The following KIAA1549L variants were observed in gnomAD, a reference collection of about 807,000 sequenced individuals.
The protein encoded by KIAA1549L is UPF0606 protein KIAA1549L.
Under a neutral mutation model 160.7 loss-of-function variants are expected in KIAA1549L, and 88 were observed. The ratio of observed to expected loss-of-function variants is 0.55; its 90% CI spans 0.46 to 0.65. The LOEUF (loss-of-function observed/expected upper bound fraction) is 0.65. KIAA1549L is among the 30% of genes least tolerant of loss of function. KIAA1549L has a pLI of 0.00. For missense variants in KIAA1549L, 2,258 were observed against 2,437.5 expected (o/e 0.93, Z 1.55); for synonymous variants, 950 against 976.7 (o/e 0.97, Z 0.51).
intron 1 of KIAA1549L, among the ~76,000 whole-genome samples, chr11:33,529,000 A>AT (rs928781304): frequency 6.6e-6 from 1 of 152,120 alleles, no homozygotes; most frequent in Admixed American, 6.5e-5. Flanking sequence ...AACCAAAACT[A>AT]TTTTTTTAAA....
At chr11:33,592,500 A>C (rs1394887349) in intron 12 of KIAA1549L, among the ~76,000 whole-genome samples, 3 of 152,176 alleles carry the variant, frequency 2.0e-5, no homozygotes, top group Non-Finnish European at 4.4e-5. Context: ...ACTACTATGG[A>C]GACTGAAAAA....
At chr11:33,461,543 TTGTCCCCAGGCATTTCATTC>T (rs879835371) in intron 1 of KIAA1549L, among the ~76,000 whole-genome samples, 5 of 152,208 alleles carry the variant, frequency 3.3e-5, no homozygotes, top group Non-Finnish European at 5.9e-5. Context: ...TCACTGTCAT[TTGTCCCCAGGCATTTCATTC>T]TTCTTCATGC....
At chr11:33,482,399 A>G (rs1302421255) in intron 1 of KIAA1549L, among the ~76,000 whole-genome samples, 1 of 151,980 alleles carries the variant, frequency 6.6e-6, no homozygotes, top group Non-Finnish European at 1.5e-5. Context: ...TTTTCCCCCC[A>G]GTGACTATAA....
intron 13 of KIAA1549L, among the ~76,000 whole-genome samples, chr11:33,599,829 T>C (rs1850307659): frequency 6.6e-6 from 1 of 152,196 alleles, no homozygotes; most frequent in Admixed American, 6.5e-5. Flanking sequence ...AAAGTCCTTT[T>C]GGATTTTAAT....
At chr11:33,627,960 C>T (rs1417322213) in intron 16 of KIAA1549L, among the ~76,000 whole-genome samples, 1 of 151,670 alleles carries the variant, frequency 6.6e-6, no homozygotes, top group Non-Finnish European at 1.5e-5. Context: ...GCTTTGAATG[C>T]ATCCCAGAGA....
chr11:33,490,331 T>TC (rs1258820911), intron 1 of KIAA1549L, among the ~76,000 whole-genome samples: 1 of 151,496 alleles, frequency 6.6e-6, no homozygotes, highest in Non-Finnish European at 1.5e-5. Flanking sequence ...CCTCTTTTTT[T>TC]TTTTTTTTTT....
chr11:33,634,991 G>A (rs1851400300), intron 16 of KIAA1549L, among the ~76,000 whole-genome samples: 1 of 152,082 alleles, frequency 6.6e-6, no homozygotes, highest in South Asian at 2.1e-4. Flanking sequence ...AAGTGACCAA[G>A]CCATTATTTT....
At chr11:33,478,205 C>T (rs943863348) in intron 1 of KIAA1549L, among the ~76,000 whole-genome samples, 1 of 152,214 alleles carries the variant, frequency 6.6e-6, no homozygotes, top group Non-Finnish European at 1.5e-5. Context: ...GACATGGTAT[C>T]GATTGCACCA....
Position 33,551,224 on chromosome 11 carries a change from A to G in KIAA1549L, c.3686A>G (p.Asn1229Ser). Residue 1229 changes from asparagine (N) to serine (S), a missense_variant, in exon 5 of 21, where the codon AAT (asparagine) becomes AGT (serine). Asn to Ser is a conservative substitution (Grantham distance 46). Around this residue, in one of 6 missense-constraint regions of KIAA1549L, gnomAD observed 1,359 missense variants for 1,546.6 expected, o/e 0.88. Transcript: ENST00000658780. ...GTGGCAGTACTTGCCTCCCCATGGA[A>G]TCCCCAGCCTGCAGGCTACTTCCAG... is the stretch of plus-strand genomic sequence containing the variant. ...QSVAVLASPWNPQPAGYFQLK... is the reference protein window; with the variant it reads ...QSVAVLASPWSPQPAGYFQLK... 1 of 1,613,626 alleles carries G rather than the reference A, an allele frequency of 6.2e-7. No homozygotes were observed. The highest frequency in any genetic ancestry group is 8.5e-7 in the Non-Finnish European group (1 of 1,179,852).
At chr11:33,517,679 T>C (rs1291066403) in intron 1 of KIAA1549L, among the ~76,000 whole-genome samples, 1 of 152,152 alleles carries the variant, frequency 6.6e-6, no homozygotes, top group Non-Finnish European at 1.5e-5. Context: ...ATTTCTGGAA[T>C]CAACCACCCA....
intron 1 of KIAA1549L, among the ~76,000 whole-genome samples, chr11:33,447,683 G>A (rs1019952714): frequency 1.7e-4 from 25 of 150,846 alleles, no homozygotes; most frequent in Admixed American, 1.3e-4. Flanking sequence ...TTTCTTCATA[G>A]CATTAATTAC....
chr11:33,433,104 T>C (rs1851283825), intron 1 of KIAA1549L, among the ~76,000 whole-genome samples: 1 of 152,166 alleles, frequency 6.6e-6, no homozygotes, highest in South Asian at 2.1e-4. Flanking sequence ...TAAATTGAGC[T>C]TCTGCACAGC....
intron 8 of KIAA1549L, among the ~76,000 whole-genome samples, chr11:33,567,115 C>G (rs1490529162): frequency 1.3e-5 from 2 of 152,180 alleles, no homozygotes; most frequent in East Asian, 1.9e-4. Flanking sequence ...AAACCCTCCT[C>G]CCTGCACTGG....
chr11:33,599,439 T>C (rs1355499863), intron 13 of KIAA1549L: 4 of 146,482 alleles, frequency 2.7e-5, no homozygotes, highest in African/African-American at 1.0e-4. Flanking sequence ...ATATTGCAAC[T>C]CCACTTCTCC....
intron 1 of KIAA1549L, among the ~76,000 whole-genome samples, chr11:33,517,192 C>A (rs920872674): frequency 6.6e-6 from 1 of 152,172 alleles, no homozygotes; most frequent in African/African-American, 2.4e-5. Flanking sequence ...TTTTTAAATT[C>A]ACCTTCTGGA....
At chr11:33,518,431 G>T in intron 1 of KIAA1549L, among the ~76,000 whole-genome samples, 1 of 152,124 alleles carries the variant, frequency 6.6e-6, no homozygotes, top group East Asian at 1.9e-4. Context: ...CCTTGAGTAT[G>T]ATCCTGTACT....
chr11:33,533,831 G>T (rs61888292), intron 1 of KIAA1549L, among the ~76,000 whole-genome samples: 1 of 152,042 alleles, frequency 6.6e-6, no homozygotes, highest in Non-Finnish European at 1.5e-5. Context: ...TGTTTCCAAC[G>T]TAAATCCATC....
chr11:33,610,686 TA>T (rs1309377906), intron 15 of KIAA1549L, among the ~76,000 whole-genome samples: 2 of 152,238 alleles, frequency 1.3e-5, no homozygotes, highest in African/African-American at 2.4e-5. Flanking sequence ...TGTAACGATC[TA>T]AAAGGGAGTC....
intron 17 of KIAA1549L, among the ~76,000 whole-genome samples, chr11:33,651,898 T>TTCCCC (rs1223513245): frequency 2.0e-4 from 8 of 40,924 alleles, no homozygotes; most frequent in African/African-American, 8.1e-4. Flanking sequence ...CCTCCCCCCC[T>TTCCCC]TCCCCTCCCC....
Sources: gnomAD v4.1 joint callset for allele counts (sites outside exome capture counted in the v4.1 genomes callset) on GRCh38, gnomAD v4.1.1 for gene constraint, gnomAD v4.1.1 regional missense constraint, MANE v1.5 for transcripts, NCBI Gene and HGNC (gene_info 2026-07-23, HGNC 2026-07-21) for gene names.